The following CDCP2 variants were observed in gnomAD, a reference collection of about 807,000 sequenced individuals.
CDCP2 encodes the protein CUB domain-containing protein 2.
In CDCP2, 31 loss-of-function variants were observed where a neutral mutation model predicts 31.0. The observed-to-expected ratio is 1.00, with a 90% confidence interval of 0.75 to 1.35. CDCP2 has a LOEUF of 1.35. CDCP2 is among the 40% of genes most tolerant of loss of function. CDCP2 has a pLI of 0.00. For missense variants in CDCP2, 443 were observed against 482.6 expected (o/e 0.92, Z 0.77); for synonymous variants, 206 against 207.9 (o/e 0.99, Z 0.08).
At chr1:54,144,262 G>A in intron 2 of CDCP2, 2 of 559,176 alleles carry the variant, frequency 3.6e-6, no homozygotes, top group Non-Finnish European at 6.3e-6. Context: ...TTACAGAGCA[G>A]CCTACGTGCC....
upstream of CDCP2, chr1:54,152,993 A>C (rs758163456): frequency 2.1e-6 from 3 of 1,445,786 alleles, no homozygotes; most frequent in Non-Finnish European, 2.9e-6. Context: ...GGAGCAAGGG[A>C]AAGAGAGGTG....
intron 4 of CDCP2, chr1:54,139,407 A>G (rs1026375089): frequency 4.7e-6 from 4 of 845,302 alleles, no homozygotes; most frequent in Middle Eastern, 3.2e-4. Flanking sequence ...GCCATAAACA[A>G]TATTACCATA....
chr1:54,137,560 G>A (rs1659277835), intron 4 of CDCP2, among the ~76,000 whole-genome samples: 1 of 152,218 alleles, frequency 6.6e-6, no homozygotes, highest in Non-Finnish European at 1.5e-5. Context: ...CGGGTCGACA[G>A]GATTTCAGAG....
intron 1 of CDCP2, among the ~76,000 whole-genome samples, chr1:54,151,143 AT>A (rs1296012149): frequency 6.6e-6 from 1 of 152,080 alleles, no homozygotes; most frequent in East Asian, 1.9e-4. Flanking sequence ...GTTGGGGAAG[AT>A]TTTCAGGGAG....
intron 3 of CDCP2, 49 bp from the exon 4 acceptor site, chr1:54,140,155 G>A (rs1386355101): frequency 1.3e-6 from 2 of 1,558,494 alleles, no homozygotes; most frequent in African/African-American, 1.4e-5. Flanking sequence ...GGGGAGAGGA[G>A]AAGTCACTCT....
At position 54,150,782 on chromosome 1, in the gene CDCP2, C is replaced by T. The variant is rs115867162; in HGVS notation, c.79+2062G>A. On this transcript the variant is annotated intron_variant, in intron 1 of 5. Transcript: ENST00000530059. ...CAGAGCCAATGTATTCTTCTTTTTG[C>T]TTAAACTCATCCAGGTTGAGTTTCT... 9.3e-3 allele frequency among the ~76,000 whole-genome samples: 1,418 copies of T among 152,272 alleles called. 19 individuals are homozygous for T. Among genetic ancestry groups the T allele is most frequent in the African/African-American group, 0.033 (1,361 of 41,560 alleles).
Position 54,139,573 on chromosome 1 carries a change from C to T in CDCP2, c.1117+180G>A, listed in dbSNP as rs747338763. On this transcript the variant is annotated intron_variant, in intron 4 of 5. Transcript: ENST00000530059. ...TAGTGGAAACAAGCGGGAGCCGTAC[C>T]GTCCAGTCTTAGGGGTCCCGAGAGT... 1.4e-5 allele frequency: 23 copies of T among 1,613,682 alleles called. No individual in the cohort carries two copies. Among genetic ancestry groups the T allele is most frequent in the East Asian group, 1.1e-4 (5 of 44,846 alleles).
intron 3 of CDCP2, chr1:54,140,622 G>A (rs116405002): frequency 1.3e-4 from 27 of 200,654 alleles, no homozygotes; most frequent in Non-Finnish European, 2.7e-4. Context: ...TCTCCACGAA[G>A]TCATCCATGA....
intron 4 of CDCP2, chr1:54,138,895 G>C (rs1391687307): frequency 6.5e-6 from 1 of 153,626 alleles, no homozygotes. Flanking sequence ...AATAGGTACA[G>C]AGTGCAGGTA....
At chr1:54,133,850 C>T (rs1186042946) in intron 5 of CDCP2, among the ~76,000 whole-genome samples, 2 of 148,824 alleles carry the variant, frequency 1.3e-5, no homozygotes, top group South Asian at 2.1e-4. Context: ...GAGCTGAGAT[C>T]GAGCCACTGC....
chr1:54,146,193 T>TCTCAGCGAGGCC (rs1267211564), intron 1 of CDCP2, among the ~76,000 whole-genome samples: 18 of 151,836 alleles, frequency 1.2e-4, no homozygotes, highest in African/African-American at 4.4e-4. Flanking sequence ...TTTTTTTTTT[T>TCTCAGCGAGGCC]TTTTTACGTG....
At chr1:54,133,628 G>A (rs1435204545) in intron 5 of CDCP2, among the ~76,000 whole-genome samples, 2 of 152,206 alleles carry the variant, frequency 1.3e-5, no homozygotes, top group East Asian at 1.9e-4. Flanking sequence ...CGGGTGCGGT[G>A]GCTCACGCCT....
chr1:54,150,779 T>C (rs1284699510), intron 1 of CDCP2, among the ~76,000 whole-genome samples: 1 of 152,154 alleles, frequency 6.6e-6, no homozygotes, highest in African/African-American at 2.4e-5. Flanking sequence ...ATTCTTCTTT[T>C]TGCTTAAACT....
At chr1:54,147,514 C>T (rs1168094664) in intron 1 of CDCP2, among the ~76,000 whole-genome samples, 1 of 151,762 alleles carries the variant, frequency 6.6e-6, no homozygotes, top group Non-Finnish European at 1.5e-5. Flanking sequence ...TTACAGGTGA[C>T]TGCCACTATG....
rs535625342 is a variant in CDCP2, at chr1:54,145,413, G to A, written c.80-600C>T. ...TGCACTCCAGCCTGGGCAACAGAGC[G>A]AGACTCTGTCTCAAAAAATAAATAA... On this transcript the variant is annotated intron_variant, in intron 1 of 5. Transcript: ENST00000530059. 1.2e-3 allele frequency among the ~76,000 whole-genome samples: 186 copies of A among 152,082 alleles called. 1 individual carries two copies. Among genetic ancestry groups the A allele is most frequent in the African/African-American group, 4.3e-3 (180 of 41,494 alleles).
chr1:54,144,556 G>A (rs747532119), exon 2 of CDCP2: 23 of 1,613,682 alleles, frequency 1.4e-5, no homozygotes, highest in African/African-American at 1.3e-5. Flanking sequence ...GAGGTGAAGG[G>A]CGGCGGGGGC....
chr1:54,139,626 A>G (rs752772432), intron 4 of CDCP2, 127 bp downstream of exon 4: 4 of 1,572,836 alleles, frequency 2.5e-6, no homozygotes, highest in Non-Finnish European at 3.4e-6. Context: ...ATGGAGAAGG[A>G]GCTGGAGAAG....
intron 1 of CDCP2, among the ~76,000 whole-genome samples, chr1:54,145,742 G>C (rs1401925634): frequency 6.6e-6 from 1 of 152,174 alleles, no homozygotes; most frequent in African/African-American, 2.4e-5. Context: ...ATAATTCTCT[G>C]TCAGGGGAAG....
exon 2 of CDCP2, chr1:54,144,727 A>G: frequency 6.2e-7 from 1 of 1,614,204 alleles, no homozygotes; most frequent in Non-Finnish European, 8.5e-7. Context: ...AGCCAGCTGC[A>G]CTCTGTGTTG....
Sources: allele counts gnomAD v4.1 joint callset (sites outside exome capture counted in the v4.1 genomes callset), GRCh38; gene constraint gnomAD v4.1.1; transcripts MANE v1.5; gene names NCBI Gene and HGNC (gene_info 2026-07-23, HGNC 2026-07-21).